BLTP3A: variants seen among roughly 807,000 people sequenced by gnomAD.
BLTP3A encodes ICBP90 binding protein 1.
At chr6:34,870,829 G>C in the BLTP3A span, 1 of 1,610,200 alleles carries the variant, frequency 6.2e-7, no homozygotes, top group Non-Finnish European at 8.5e-7. Context: ...TTAATTAGTT[G>C]TCTTCCTTGT....
chr6:34,815,028 CT>C, the BLTP3A span, among the ~76,000 whole-genome samples: 2 of 152,204 alleles, frequency 1.3e-5, no homozygotes, highest in Non-Finnish European at 2.9e-5. Flanking sequence ...GGGCAAACTG[CT>C]TCATATCCGA....
the BLTP3A span, chr6:34,857,314 G>T: frequency 6.2e-7 from 1 of 1,613,388 alleles, no homozygotes; most frequent in Non-Finnish European, 8.5e-7. Context: ...CTAACAAAAA[G>T]TTGTGATTGT....
chr6:34,856,793 C>A, the BLTP3A span: 1 of 1,611,478 alleles, frequency 6.2e-7, no homozygotes, highest in Non-Finnish European at 8.5e-7. Flanking sequence ...TATTTAGATT[C>A]TCTTTCCAGT....
the BLTP3A span, chr6:34,875,339 G>T: frequency 2.0e-5 from 3 of 152,142 alleles, no homozygotes; most frequent in Non-Finnish European, 4.4e-5. Context: ...TCTTGAAGGG[G>T]GAGGAAGGAG....
At chr6:34,794,051 C>T in the BLTP3A span, among the ~76,000 whole-genome samples, 84 of 151,862 alleles carry the variant, frequency 5.5e-4, no homozygotes, top group African/African-American at 2.0e-3. Flanking sequence ...TCCCAGCTAC[C>T]TGGGAGGCTG....
chr6:34,801,960 A>T, the BLTP3A span, among the ~76,000 whole-genome samples: 1 of 152,004 alleles, frequency 6.6e-6, no homozygotes, highest in Non-Finnish European at 1.5e-5. Context: ...GATGGTCTCG[A>T]TCTCCTGACC....
At chr6:34,871,305 G>A in the BLTP3A span, among the ~76,000 whole-genome samples, 1 of 152,182 alleles carries the variant, frequency 6.6e-6, no homozygotes, top group African/African-American at 2.4e-5. Context: ...ATATAAATGT[G>A]TGTTGCTGTC....
chr6:34,836,249 CA>C, the BLTP3A span: 1 of 1,614,228 alleles, frequency 6.2e-7, no homozygotes, highest in Non-Finnish European at 8.5e-7. Flanking sequence ...CCGCCTCAGC[CA>C]GTACTTTGAG....
the BLTP3A span, chr6:34,873,113 G>A: frequency 6.6e-6 from 1 of 152,180 alleles, no homozygotes; most frequent in Admixed American, 6.5e-5. Context: ...TGATGCTGTG[G>A]TAGAAAGTAA....
At chr6:34,870,965 A>C in the BLTP3A span, 1 of 1,614,174 alleles carries the variant, frequency 6.2e-7, no homozygotes, top group Non-Finnish European at 8.5e-7. Flanking sequence ...CTGGCCTCAC[A>C]AAATGGCTTC....
the BLTP3A span, among the ~76,000 whole-genome samples, chr6:34,803,401 C>T: frequency 2.1e-3 from 321 of 152,150 alleles, 1 homozygote; most frequent in African/African-American, 7.2e-3. Flanking sequence ...TCTCATGCCC[C>T]CAGTTGCTCT....
the BLTP3A span, chr6:34,836,050 T>G: frequency 1.4e-6 from 2 of 1,397,264 alleles, no homozygotes; most frequent in Non-Finnish European, 9.7e-7. Context: ...GGAAGGAACA[T>G]CTTGCTAAAC....
chr6:34,856,747 G>A, the BLTP3A span: 1 of 1,600,242 alleles, frequency 6.2e-7, no homozygotes, highest in South Asian at 1.1e-5. Context: ...AGTAATGAGA[G>A]TTGAATGTAT....
At chr6:34,841,480 A>AT in the BLTP3A span, among the ~76,000 whole-genome samples, 2 of 152,204 alleles carry the variant, frequency 1.3e-5, no homozygotes, top group Non-Finnish European at 2.9e-5. Flanking sequence ...TTAAAAGTTC[A>AT]TTTTCATTTT....
the BLTP3A span, chr6:34,792,215 G>A: frequency 2.6e-6 from 4 of 1,530,538 alleles, no homozygotes; most frequent in South Asian, 2.5e-5. Context: ...CACAGCTGCC[G>A]GCCCACCCGC....
chr6:34,854,824 A>G, the BLTP3A span, among the ~76,000 whole-genome samples: 1 of 152,308 alleles, frequency 6.6e-6, no homozygotes, highest in South Asian at 2.1e-4. Context: ...TTGAGCATCT[A>G]CTACTTACAA....
chr6:34,858,124 G>A, the BLTP3A span: 4 of 1,610,386 alleles, frequency 2.5e-6, no homozygotes, highest in Non-Finnish European at 3.4e-6. Context: ...CTCTGTGAAG[G>A]TGAGCTTTCC....
At chr6:34,842,534 T>C in the BLTP3A span, among the ~76,000 whole-genome samples, 2 of 152,094 alleles carry the variant, frequency 1.3e-5, no homozygotes, top group Non-Finnish European at 2.9e-5. Flanking sequence ...GATATAACAA[T>C]CATCTGTGGC....
At chr6:34,842,805 TGTG>T in the BLTP3A span, among the ~76,000 whole-genome samples, 1 of 152,100 alleles carries the variant, frequency 6.6e-6, no homozygotes, top group African/African-American at 2.4e-5. Flanking sequence ...AGTAGATGGC[TGTG>T]GTTAGAGGAC....
Sources: gnomAD v4.1 joint callset for allele counts (sites outside exome capture counted in the v4.1 genomes callset) on GRCh38, gnomAD v4.1.1 for gene constraint, MANE v1.5 for transcripts, NCBI Gene and HGNC (gene_info 2026-07-23, HGNC 2026-07-21) for gene names.